The following GABRG3 variants were observed in gnomAD, a reference collection of about 807,000 sequenced individuals.
GABRG3 encodes the protein gamma-aminobutyric acid type A receptor subunit gamma3, also known as gamma-aminobutyric acid receptor subunit gamma-3.
A neutral mutation model predicts 48.8 loss-of-function variants in GABRG3; 25 were observed. The ratio of observed to expected loss-of-function variants is 0.51; its 90% CI spans 0.37 to 0.72. The LOEUF (loss-of-function observed/expected upper bound fraction) is 0.72. Among genes scored for constraint, GABRG3 ranks in the 30% least tolerant of loss-of-function variants. GABRG3 has a pLI of 0.00. For synonymous variants in GABRG3, 227 were observed against 217.6 expected (o/e 1.04, Z -0.38); for missense variants, 394 against 577.9 (o/e 0.68, Z 3.26).
intron 5 of GABRG3, among the ~76,000 whole-genome samples, chr15:27,343,728 G>A (rs74199717): frequency 0.45 from 68,646 of 152,040 alleles, 16,838 homozygotes; most frequent in African/African-American, 0.64. Flanking sequence ...AACACGGTAC[G>A]TCAACAAATT....
intron 5 of GABRG3, among the ~76,000 whole-genome samples, chr15:27,425,495 C>A (rs1282354524): frequency 1.3e-5 from 2 of 150,432 alleles, no homozygotes; most frequent in Non-Finnish European, 3.0e-5. Context: ...CCTGTAGTCC[C>A]AGCTACTCGG....
intron 3 of GABRG3, among the ~76,000 whole-genome samples, chr15:27,042,229 C>G (rs1333595805): frequency 1.3e-5 from 2 of 152,186 alleles, no homozygotes; most frequent in Non-Finnish European, 2.9e-5. Context: ...TTGAGAAGCT[C>G]CCGAATCCCC....
chr15:27,342,326 G>A (rs1366066951), intron 5 of GABRG3, among the ~76,000 whole-genome samples: 1 of 152,236 alleles, frequency 6.6e-6, no homozygotes, highest in Non-Finnish European at 1.5e-5. Flanking sequence ...CACACAGCTA[G>A]TGTGTGGTTG....
chr15:27,319,415 A>G lies in GABRG3; in HGVS notation c.271-7394A>G, dbSNP rs971318534. Among the ~76,000 whole-genome samples the G allele has an allele frequency of 1.2e-4, 18 of 152,256 alleles. No individual in the cohort carries two copies. Among genetic ancestry groups the G allele is most frequent in the African/African-American group, 4.3e-4 (18 of 41,468 alleles). ...ACTCCTAGTAATTTGTAGTAAGTGC[A>G]AGTTATTACCAACACAGGTCACTGC... On this transcript the variant is annotated intron_variant, in intron 3 of 9. Transcript: ENST00000615808. The surrounding 1 kb of genome is among the most constrained non-coding windows in gnomAD (Gnocchi z 4.4).
At chr15:27,294,576 C>T (rs952639196) in intron 3 of GABRG3, among the ~76,000 whole-genome samples, 4 of 152,126 alleles carry the variant, frequency 2.6e-5, no homozygotes, top group African/African-American at 9.7e-5. Flanking sequence ...TGTTCCAGTG[C>T]AGTGGTTCTT....
intron 5 of GABRG3, among the ~76,000 whole-genome samples, chr15:27,347,862 T>G (rs1263254049): frequency 6.6e-6 from 1 of 152,176 alleles, no homozygotes; most frequent in Non-Finnish European, 1.5e-5. Flanking sequence ...GCTGTGACTC[T>G]CTATTAACCT....
chr15:27,297,875 G>A (rs1212727234), intron 3 of GABRG3, among the ~76,000 whole-genome samples: 1 of 149,614 alleles, frequency 6.7e-6, no homozygotes, highest in Non-Finnish European at 1.5e-5. Context: ...TAGGAGTAAA[G>A]TTCTATATTC....
chr15:27,481,608 C>G (rs542812409), intron 6 of GABRG3, among the ~76,000 whole-genome samples: 1 of 152,046 alleles, frequency 6.6e-6, no homozygotes, highest in Non-Finnish European at 1.5e-5. Context: ...ATCTTTAAAG[C>G]CCAGTCTTAA....
chr15:27,408,322 A>C (rs1410309090), intron 5 of GABRG3, among the ~76,000 whole-genome samples: 1 of 152,188 alleles, frequency 6.6e-6, no homozygotes, highest in Non-Finnish European at 1.5e-5. Context: ...AGATGTATTG[A>C]ATATTAGTGA....
At chr15:27,063,451 G>A (rs1896685606) in intron 3 of GABRG3, among the ~76,000 whole-genome samples, 1 of 152,202 alleles carries the variant, frequency 6.6e-6, no homozygotes, top group East Asian at 1.9e-4. Context: ...TCCCCTTGCT[G>A]ATGAGTGAGC....
At chr15:27,337,369 A>C (rs998562915) in intron 5 of GABRG3, among the ~76,000 whole-genome samples, 2 of 152,256 alleles carry the variant, frequency 1.3e-5, no homozygotes, top group Non-Finnish European at 2.9e-5. Flanking sequence ...TATTCAATAC[A>C]GTCTATACAG....
intron 3 of GABRG3, among the ~76,000 whole-genome samples, chr15:27,210,867 T>C (rs907005367): frequency 1.3e-5 from 2 of 152,196 alleles, no homozygotes; most frequent in African/African-American, 4.8e-5. Flanking sequence ...CCAGAAGGCC[T>C]GTTTCCGGGA....
chr15:27,192,433 C>A (rs1888347925), intron 3 of GABRG3, among the ~76,000 whole-genome samples: 1 of 152,066 alleles, frequency 6.6e-6, no homozygotes, highest in African/African-American at 2.4e-5. Context: ...TCTTTTTATT[C>A]TTTTTTCTCT....
chr15:27,367,469 C>A (rs1420948092), intron 5 of GABRG3, among the ~76,000 whole-genome samples: 4 of 152,118 alleles, frequency 2.6e-5, no homozygotes, highest in Non-Finnish European at 5.9e-5. Flanking sequence ...AGGGAGAATA[C>A]CACATTTTTT....
chr15:27,367,259 A>T (rs561666418), intron 5 of GABRG3, among the ~76,000 whole-genome samples: 2 of 152,094 alleles, frequency 1.3e-5, no homozygotes, highest in South Asian at 4.2e-4. Context: ...GTTGTCCTAG[A>T]TATTTATTTT....
intron 5 of GABRG3, among the ~76,000 whole-genome samples, chr15:27,395,933 T>C (rs1887284843): frequency 1.3e-5 from 2 of 152,132 alleles, no homozygotes. Flanking sequence ...TGATCATGGC[T>C]CACTGCAGCC....
At chr15:27,239,466 T>G (rs751454910) in intron 3 of GABRG3, among the ~76,000 whole-genome samples, 3 of 152,194 alleles carry the variant, frequency 2.0e-5, no homozygotes, top group Non-Finnish European at 4.4e-5. Flanking sequence ...GTAAAAGTCT[T>G]TATAAAGCTT....
chr15:27,486,460 C>CA (rs1346319275), intron 6 of GABRG3, among the ~76,000 whole-genome samples: 16 of 151,976 alleles, frequency 1.1e-4, no homozygotes, highest in African/African-American at 3.1e-4. Flanking sequence ...TCTCCAAACT[C>CA]AAAAAAAGTA....
At chr15:27,225,351 G>A (rs913375042) in intron 3 of GABRG3, among the ~76,000 whole-genome samples, 5 of 151,950 alleles carry the variant, frequency 3.3e-5, no homozygotes, top group African/African-American at 7.3e-5. Context: ...CCCCCTCCAC[G>A]TGGAGGCAGG....
Sources: allele counts gnomAD v4.1 joint callset (sites outside exome capture counted in the v4.1 genomes callset), GRCh38; gene constraint gnomAD v4.1.1; non-coding constraint Gnocchi (gnomAD v3.1); transcripts MANE v1.5; gene names NCBI Gene and HGNC (gene_info 2026-07-23, HGNC 2026-07-21).